PRMT7: variants seen among roughly 807,000 people sequenced by gnomAD.
The protein encoded by PRMT7 is protein arginine methyltransferase 7.
A neutral mutation model predicts 85.4 loss-of-function variants in PRMT7; 75 were observed. That is an observed-to-expected ratio of 0.88 (90% CI 0.73 to 1.06). The LOEUF is 1.06. Among genes scored for constraint, PRMT7 ranks in the 50% least tolerant of loss-of-function variants. The pLI is 0.00. For missense variants in PRMT7, 868 were observed against 915.2 expected (o/e 0.95, Z 0.67); for synonymous variants, 397 against 359.5 (o/e 1.10, Z -1.18).
intron 5 of PRMT7, among the ~76,000 whole-genome samples, chr16:68,328,858 C>G (rs749553331): frequency 6.6e-6 from 1 of 152,164 alleles, no homozygotes; most frequent in Non-Finnish European, 1.5e-5. Flanking sequence ...CCGGCATCCC[C>G]GCTGTGCCTG....
intron 3 of PRMT7, among the ~76,000 whole-genome samples, chr16:68,318,488 T>C (rs1021142720): frequency 6.6e-6 from 1 of 151,150 alleles, no homozygotes. Flanking sequence ...CGTGAGCCAC[T>C]GCACCTGCCC....
intron 17 of PRMT7, 72 bp from the exon 18 acceptor site, chr16:68,356,629 C>T (rs1028372191): frequency 1.3e-5 from 16 of 1,192,842 alleles, no homozygotes; most frequent in African/African-American, 4.5e-5. Flanking sequence ...TCTGGAAAGC[C>T]GCAGGAGCTG....
chr16:68,330,160 C>T (rs35486481), intron 6 of PRMT7, among the ~76,000 whole-genome samples: 7,831 of 152,170 alleles, frequency 0.051, 241 homozygotes, highest in Middle Eastern at 0.15. Context: ...TCCCAAAGTG[C>T]TAGGATTATA....
chr16:68,351,381 C>G (rs1164903495), intron 14 of PRMT7: 1 of 151,086 alleles, frequency 6.6e-6, no homozygotes, highest in Admixed American at 6.6e-5. Context: ...TCTTTCTGCA[C>G]TCTCCCAGGT....
chr16:68,346,023 T>C lies in PRMT7; in HGVS notation c.1056-122T>C. The C allele has an allele frequency of 2.7e-6, 4 of 1,464,718 alleles. 1 individual carries two copies. The South Asian group carries it at 3.7e-5, about 14-fold the overall frequency. The allele number at this position is 1,464,718 out of a possible 1,614,324, so 90.7% of individuals were successfully genotyped here. The stretch of plus-strand genomic sequence containing the variant: ...GTTTAGAGCAGATGCGTAGGAAAAG[T>C]CTGGAATTAGCGGGTGCTCTAAGCC... On this transcript the variant is annotated intron_variant, in intron 10 of 18. Transcript: ENST00000441236.
rs201009669 is a variant in PRMT7 at position 68,324,796 on chromosome 16, G to C, written c.246G>C (p.Ala82=). Residue 82 remains alanine (A), a synonymous_variant, in exon 5 of 19, where the codon GCG becomes GCC. Transcript: ENST00000441236. ...GCACGGGACTCTTGTCAATGATGGC[G>C]GTCACAGCAGGTGCCGACTTCTGCT... ...GTGTGLLSMM[A]VTAGADFCYA... is the part of the protein sequence containing the mutation. The C allele has an allele frequency of 1.5e-5, 24 of 1,614,152 alleles. No homozygotes were observed.
chr16:68,325,376 CTTT>C (rs755883047), intron 5 of PRMT7, among the ~76,000 whole-genome samples: 8 of 152,166 alleles, frequency 5.3e-5, no homozygotes, highest in Non-Finnish European at 1.0e-4. Flanking sequence ...TATTGTGGGA[CTTT>C]GTTGTTTCCA....
chr16:68,321,675 A>G (rs1485236832), intron 4 of PRMT7: 1 of 482,848 alleles, frequency 2.1e-6, no homozygotes, highest in East Asian at 3.2e-5. Context: ...CTGACAAATA[A>G]AAATGGTCTA....
intron 13 of PRMT7, 79 bp downstream of exon 13, chr16:68,347,757 C>T (rs983867672): frequency 2.9e-6 from 4 of 1,375,152 alleles, no homozygotes; most frequent in African/African-American, 2.9e-5. Context: ...GGCATTGGCC[C>T]CAGGGGAACA....
chr16:68,344,275 T>C (rs562838544), intron 9 of PRMT7, among the ~76,000 whole-genome samples: 2 of 152,362 alleles, frequency 1.3e-5, no homozygotes, highest in East Asian at 3.9e-4. Flanking sequence ...AGCTGGCATC[T>C]ACTTTTTAGG....
At position 68,346,015 on chromosome 16, in the gene PRMT7, A is replaced by C. The variant is rs1322661961; in HGVS notation, c.1056-130A>C. ...TGGAATCTGTTTAGAGCAGATGCGT[A>C]GGAAAAGTCTGGAATTAGCGGGTGC... On this transcript the variant is annotated intron_variant, in intron 10 of 18. Coordinates refer to ENST00000441236, the MANE Select transcript of PRMT7 (RefSeq NM_019023.5). 5.6e-6 allele frequency: 8 copies of C among 1,435,728 alleles called. No homozygotes were observed. In the Admixed American group the frequency reaches 1.5e-4, roughly 27 times the overall value. The allele number at this position is 1,435,728 out of a possible 1,614,324, so 88.9% of individuals were successfully genotyped here.
rs545425253 is a variant in PRMT7, at chr16:68,340,103, T to A, written c.927+135T>A. 4.8e-6 allele frequency: 5 copies of A among 1,042,922 alleles called. No individual in the cohort carries two copies. The African/African-American group carries it at 8.1e-5, about 17-fold the overall frequency. 64.6% of individuals were successfully genotyped at this position (1,042,922 alleles called of 1,614,324 possible). ...TGTGTCAGAATCAAAGACAAAAGTTTTTAAAAAGCAAGCAAAGGCTAGCTG... is the reference window on the plus strand; with the variant it reads ...TGTGTCAGAATCAAAGACAAAAGTTATTAAAAAGCAAGCAAAGGCTAGCTG... On this transcript the variant is annotated intron_variant, in intron 9 of 18. Transcript: ENST00000441236.
intron 3 of PRMT7, among the ~76,000 whole-genome samples, chr16:68,320,833 G>A (rs2082403396): frequency 6.6e-6 from 1 of 152,086 alleles, no homozygotes; most frequent in Admixed American, 6.6e-5. Context: ...GTGCAGCGAC[G>A]GATGCTTGTA....
intron 2 of PRMT7, 51 bp downstream of exon 2, chr16:68,312,227 A>ATTTTTTTTT (rs778218819): frequency 1.1e-5 from 1 of 88,300 alleles, no homozygotes; most frequent in Admixed American, 1.2e-4. Flanking sequence ...ATATATATAT[A>ATTTTTTTTT]TATTTTTTTT....
chr16:68,325,901 G>T (rs774139374), intron 5 of PRMT7, among the ~76,000 whole-genome samples: 28 of 152,156 alleles, frequency 1.8e-4, no homozygotes, highest in Non-Finnish European at 3.7e-4. Flanking sequence ...TGTGCGGCAA[G>T]GTTGAGAACC....
At chr16:68,353,296 G>C in intron 15 of PRMT7, 196 bp from the exon 16 acceptor site, 1 of 1,258,352 alleles carries the variant, frequency 7.9e-7, no homozygotes, top group South Asian at 1.7e-5. Flanking sequence ...CAGGTGTCAC[G>C]TCAGAGCTTG....
At chr16:68,352,475 C>T in intron 15 of PRMT7, 66 bp downstream of exon 15, 18 of 1,513,788 alleles carry the variant, frequency 1.2e-5, no homozygotes, top group Non-Finnish European at 1.6e-5. Context: ...TGTTTTCTTG[C>T]AGGAACCTTG....
At chr16:68,316,133 T>C in intron 3 of PRMT7, 59 bp downstream of exon 3, 8 of 1,426,068 alleles carry the variant, frequency 5.6e-6, no homozygotes, top group Non-Finnish European at 7.9e-6. Flanking sequence ...TCAAAGCAGA[T>C]GCCTTGGGCT....
rs2087503499 is a variant in PRMT7, at chr16:68,352,248, G to GTC, written c.1421_1422dup (p.Leu475SerfsTer37). On this transcript the variant is annotated frameshift_variant and splice_region_variant, in exon 15 of 19. Coordinates refer to ENST00000441236, the MANE Select transcript of PRMT7 (RefSeq NM_019023.5). LOFTEE classifies it high-confidence loss of function. The stretch of plus-strand genomic sequence containing the variant: ...GCCCTGCTTCTCGCCCATTCACCAG[G>GTC]TCTCTCTCCTCCTGGGCGAGCCGTT... 7 of 1,612,864 alleles carry GTC rather than the reference G, an allele frequency of 4.3e-6. No homozygotes were observed. The highest frequency in any genetic ancestry group is 5.9e-6 in the Non-Finnish European group (7 of 1,179,850).
Sources: allele counts gnomAD v4.1 joint callset (sites outside exome capture counted in the v4.1 genomes callset), GRCh38; gene constraint gnomAD v4.1.1; transcripts MANE v1.5; gene names NCBI Gene and HGNC (gene_info 2026-07-23, HGNC 2026-07-21).